The following CR1L variants were observed in gnomAD, a reference collection of about 807,000 sequenced individuals.
The protein encoded by CR1L is complement C3b/C4b receptor 1 like, also known as complement component receptor 1-like protein.
CR1L carries 59 observed loss-of-function variants against 62.3 expected under a neutral mutation model. The observed-to-expected ratio is 0.95, with a 90% CI of 0.77 to 1.18. The LOEUF (loss-of-function observed/expected upper bound fraction) is 1.18. Among genes scored for constraint, CR1L ranks in the 50% most tolerant of loss-of-function variants. The pLI, the probability that CR1L is intolerant of heterozygous loss-of-function variation, is 0.00. For missense variants in CR1L, 700 were observed against 702.8 expected (o/e 1.00, Z 0.04); for synonymous variants, 279 against 248.7 (o/e 1.12, Z -1.15).
chr1:207,659,580 T>G (rs1663374228), intron 1 of CR1L, among the ~76,000 whole-genome samples: 1 of 152,210 alleles, frequency 6.6e-6, no homozygotes, highest in Non-Finnish European at 1.5e-5. Context: ...CAGCTCCCAG[T>G]GAGATCAACG....
At chr1:207,680,770 C>A (rs187269459) in intron 3 of CR1L, among the ~76,000 whole-genome samples, 1 of 152,128 alleles carries the variant, frequency 6.6e-6, no homozygotes, top group African/African-American at 2.4e-5. Context: ...AACCAAATGG[C>A]GCCAGAGATA....
rs1348868368 is a variant in CR1L, at chr1:207,687,502, A to T, written c.463+3545A>T. Among the ~76,000 whole-genome samples the T allele has an allele frequency of 3.3e-5, 5 of 152,200 alleles. No homozygotes were observed. In the East Asian group the frequency reaches 9.6e-4, roughly 29 times the overall value. On this transcript the variant is annotated intron_variant, in intron 4 of 11. Coordinates refer to ENST00000508064, the MANE Select transcript of CR1L (RefSeq NM_175710.2). ...TATCAGCACCCCAGAAGCCTTCCTGATGCCCTTTCCCAGTTATCTTCCCAA... is the reference window on the plus strand; with the variant it reads ...TATCAGCACCCCAGAAGCCTTCCTGTTGCCCTTTCCCAGTTATCTTCCCAA...
chr1:207,688,487 A>G (rs745690839), intron 4 of CR1L, among the ~76,000 whole-genome samples: 1 of 152,226 alleles, frequency 6.6e-6, no homozygotes, highest in Non-Finnish European at 1.5e-5. Context: ...CTATAGCATG[A>G]CATTAATATT....
At chr1:207,649,730 T>C (rs1324761107) in intron 1 of CR1L, among the ~76,000 whole-genome samples, 1 of 152,150 alleles carries the variant, frequency 6.6e-6, no homozygotes, top group African/African-American at 2.4e-5. Flanking sequence ...TAAAAGTCTC[T>C]AAGCTATGTT....
chr1:207,672,305 T>C (rs1188913683), intron 1 of CR1L, among the ~76,000 whole-genome samples: 1 of 150,324 alleles, frequency 6.7e-6, no homozygotes, highest in Non-Finnish European at 1.5e-5. Flanking sequence ...CATATAATGA[T>C]AAAGGGGCTA....
At chr1:207,651,558 T>C (rs994475889) in intron 1 of CR1L, among the ~76,000 whole-genome samples, 6 of 152,190 alleles carry the variant, frequency 3.9e-5, no homozygotes, top group African/African-American at 1.4e-4. Flanking sequence ...CTTTGCATTC[T>C]GTTGGCCCTT....
intron 5 of CR1L, among the ~76,000 whole-genome samples, chr1:207,696,111 C>G (rs1281193285): frequency 1.3e-5 from 2 of 151,972 alleles, no homozygotes; most frequent in Non-Finnish European, 1.5e-5. Flanking sequence ...CTGTGGCTCC[C>G]AGTCTACACA....
chr1:207,715,751 C>T (rs1004744187), intron 10 of CR1L, among the ~76,000 whole-genome samples: 1 of 151,922 alleles, frequency 6.6e-6, no homozygotes, highest in Non-Finnish European at 1.5e-5. Context: ...GGACAGAATG[C>T]AGTGGTGCAA....
chr1:207,721,076 C>G (rs1018885951), intron 11 of CR1L, among the ~76,000 whole-genome samples: 2 of 152,158 alleles, frequency 1.3e-5, no homozygotes, highest in African/African-American at 4.8e-5. Flanking sequence ...AATGCAGAAA[C>G]TATCTTAGGA....
intron 10 of CR1L, among the ~76,000 whole-genome samples, chr1:207,709,816 A>C (rs1470568824): frequency 6.8e-6 from 1 of 146,104 alleles, no homozygotes; most frequent in Non-Finnish European, 1.5e-5. Flanking sequence ...CAGCCTGGGC[A>C]ACAGAGACTC....
intron 1 of CR1L, among the ~76,000 whole-genome samples, chr1:207,661,087 A>G (rs1375482686): frequency 6.6e-6 from 1 of 152,160 alleles, no homozygotes; most frequent in Non-Finnish European, 1.5e-5. Flanking sequence ...TTTTGGAATA[A>G]GTGTGGTGTG....
chr1:207,660,439 C>G (rs900868329), intron 1 of CR1L, among the ~76,000 whole-genome samples: 1 of 152,236 alleles, frequency 6.6e-6, no homozygotes, highest in Non-Finnish European at 1.5e-5. Flanking sequence ...GCTGAGGGAC[C>G]TGTCTGTTAG....
intron 4 of CR1L, among the ~76,000 whole-genome samples, chr1:207,693,304 G>T (rs1487152921): frequency 6.6e-6 from 1 of 152,138 alleles, no homozygotes; most frequent in Non-Finnish European, 1.5e-5. Flanking sequence ...TTTTAGTAGA[G>T]ACAGGGTTTC....
chr1:207,693,939 G>A (rs1414749269), intron 4 of CR1L, among the ~76,000 whole-genome samples: 1 of 151,908 alleles, frequency 6.6e-6, no homozygotes, highest in Non-Finnish European at 1.5e-5. Flanking sequence ...TTCCTACTGT[G>A]TATATTTGTG....
intron 11 of CR1L, 78 bp from the exon 12 acceptor site, chr1:207,723,540 T>A (rs1484001312): frequency 8.2e-7 from 1 of 1,214,622 alleles, no homozygotes; most frequent in East Asian, 2.5e-5. Flanking sequence ...TCAGGATAAA[T>A]TGTCACTGGC....
At chr1:207,698,347 A>C (rs1217417740) in intron 7 of CR1L, among the ~76,000 whole-genome samples, 1 of 152,162 alleles carries the variant, frequency 6.6e-6, no homozygotes, top group Non-Finnish European at 1.5e-5. Context: ...AAAGTGTAAA[A>C]ATCAGCATTT....
chr1:207,701,851 G>C, intron 9 of CR1L: 1 of 685,418 alleles, frequency 1.5e-6, no homozygotes, highest in Non-Finnish European at 2.6e-6. Flanking sequence ...TCACTGGATG[G>C]GAAGGAAAAA....
intron 11 of CR1L, among the ~76,000 whole-genome samples, chr1:207,720,717 T>C (rs1220066409): frequency 6.6e-6 from 1 of 152,224 alleles, no homozygotes; most frequent in East Asian, 1.9e-4. Flanking sequence ...AGCATGGTGT[T>C]GCATGCTAGA....
intron 10 of CR1L, among the ~76,000 whole-genome samples, chr1:207,712,680 C>G (rs1375261861): frequency 6.6e-6 from 1 of 152,192 alleles, no homozygotes; most frequent in Middle Eastern, 3.2e-3. Flanking sequence ...GGAGACTGGA[C>G]CCCTGAAGCC....
Sources: allele counts gnomAD v4.1 joint callset (sites outside exome capture counted in the v4.1 genomes callset), GRCh38; gene constraint gnomAD v4.1.1; transcripts MANE v1.5; gene names NCBI Gene and HGNC (gene_info 2026-07-23, HGNC 2026-07-21).